Variants in BBS12 observed in about 807,000 individuals in gnomAD.
BBS12 encodes the protein chaperonin-containing T-complex member BBS12.
Under a neutral mutation model 5.6 loss-of-function variants are expected in BBS12, and 5 were observed. The ratio of observed to expected loss-of-function variants is 0.89; its 90% confidence interval spans 0.46 to 1.86. The LOEUF (loss-of-function observed/expected upper bound fraction) is 1.86, where lower values mean the gene tolerates loss of function less well. Ranked by LOEUF, BBS12 falls within the 40% of genes most tolerant of loss-of-function variation. The pLI, the probability that BBS12 is intolerant of heterozygous loss-of-function variation, is 0.01. For missense variants in BBS12, 748 were observed against 830.4 expected (o/e 0.90, Z 1.22); for synonymous variants, 308 against 306.8 (o/e 1.00, Z -0.04).
chr4:122,740,481 C>G (rs1800852253), intron 1 of BBS12, among the ~76,000 whole-genome samples: 2 of 152,186 alleles, frequency 1.3e-5, no homozygotes, highest in African/African-American at 4.8e-5. Flanking sequence ...GACTTTTGTT[C>G]TGAGCACTGC....
rs1157097086 is a variant in BBS12 at position 122,744,722 on chromosome 4, C to T, written c.*697C>T. ...TTGTTTAGTCAGTACCAAATTTGTT[C>T]ATTTGGTCTCATATAGCAATTAATG... is the stretch of plus-strand genomic sequence containing the variant. On this transcript the variant is annotated 3_prime_UTR_variant, in exon 2 of 2. Coordinates refer to ENST00000314218, the MANE Select transcript of BBS12 (RefSeq NM_152618.3). 6.0e-6 allele frequency: 1 copy of T among 167,154 alleles called. No individual in the cohort carries two copies. Among genetic ancestry groups the T allele is most frequent in the East Asian group, 1.9e-4 (1 of 5,204 alleles). 10.4% of individuals were successfully genotyped at this position (167,154 alleles called of 1,614,324 possible). A position where few individuals can be genotyped will look rare whatever the true frequency, so the allele number is the denominator to read the frequency against.
chr4:122,731,996 T>C (rs1284103229), upstream of BBS12: 2 of 152,250 alleles, frequency 1.3e-5, no homozygotes, highest in Admixed American at 6.5e-5. Context: ...GCCTTAAAGA[T>C]TGCCACAAAT....
chr4:122,712,106 C>G, the BBS12 span, among the ~76,000 whole-genome samples: 1 of 152,248 alleles, frequency 6.6e-6, no homozygotes, highest in Non-Finnish European at 1.5e-5. Flanking sequence ...CAGCCATGAA[C>G]TAGGTTACAA....
chr4:122,725,797 C>T, the BBS12 span, among the ~76,000 whole-genome samples: 5 of 148,924 alleles, frequency 3.4e-5, no homozygotes, highest in Admixed American at 2.0e-4. Flanking sequence ...CCTCAGGAGG[C>T]TGAGGCAGGA....
In BBS12 at chr4:122,742,374, T is replaced by A. The variant is rs1800891151; in HGVS notation, c.482T>A (p.Leu161Gln). 2 of 1,614,112 alleles carry A rather than the reference T, an allele frequency of 1.2e-6. No individual in the cohort carries two copies. The highest frequency in any genetic ancestry group is 1.7e-6 in the Non-Finnish European group (2 of 1,180,044). Residue 161 changes from leucine (L) to glutamine (Q), a missense_variant, in exon 2 of 2, where the codon CTA (leucine) becomes CAA (glutamine). Coordinates refer to ENST00000314218, the MANE Select transcript of BBS12 (RefSeq NM_152618.3). ...TTTAGTGTAAGTTTGTGTCCTTTTC[T>A]ACAGGTCCCTTCAGATACTGATTTG... ...ETFSVSLCPF[L>Q]QVPSDTDLIE...
chr4:122,715,367 A>C, the BBS12 span, among the ~76,000 whole-genome samples: 1 of 151,778 alleles, frequency 6.6e-6, no homozygotes, highest in African/African-American at 2.4e-5. Context: ...GATTGTCCAA[A>C]ATTCACTTAA....
chr4:122,715,977 T>C, the BBS12 span, among the ~76,000 whole-genome samples: 66 of 152,346 alleles, frequency 4.3e-4, no homozygotes, highest in African/African-American at 1.6e-3. Flanking sequence ...AATAAACGGG[T>C]ATAATTGGGG....
At chr4:122,701,418 C>T in the BBS12 span, among the ~76,000 whole-genome samples, 418 of 120,978 alleles carry the variant, frequency 3.5e-3, 6 homozygotes, top group South Asian at 0.036. Context: ...ACATAACTTA[C>T]GGATTCAAGG....
intron 1 of BBS12, among the ~76,000 whole-genome samples, chr4:122,738,377 A>T: frequency 6.6e-6 from 1 of 151,964 alleles, no homozygotes; most frequent in Non-Finnish European, 1.5e-5. Context: ...TGCCCGGCTA[A>T]TTTTTTTGTA....
At chr4:122,734,480 A>G (rs1800756912) in intron 1 of BBS12, among the ~76,000 whole-genome samples, 1 of 152,058 alleles carries the variant, frequency 6.6e-6, no homozygotes, top group African/African-American at 2.4e-5. Context: ...ATTAGCCAGG[A>G]TGGTCTCCAT....
At chr4:122,707,059 T>C in the BBS12 span, among the ~76,000 whole-genome samples, 91 of 145,382 alleles carry the variant, frequency 6.3e-4, no homozygotes, top group Admixed American at 1.0e-3. Flanking sequence ...TCTCTCTTTT[T>C]TTTTTTTTTT....
chr4:122,706,666 C>T, the BBS12 span, among the ~76,000 whole-genome samples: 11,725 of 152,228 alleles, frequency 0.077, 1,062 homozygotes, highest in East Asian at 0.47. Context: ...AGACTGGATA[C>T]ACCTTGAATG....
At chr4:122,702,569 G>A in the BBS12 span, among the ~76,000 whole-genome samples, 1 of 152,230 alleles carries the variant, frequency 6.6e-6, no homozygotes, top group Non-Finnish European at 1.5e-5. Flanking sequence ...TGCTGGCTAA[G>A]AGGCACATGC....
the BBS12 span, among the ~76,000 whole-genome samples, chr4:122,705,567 A>G: frequency 6.6e-6 from 1 of 152,248 alleles, no homozygotes; most frequent in Non-Finnish European, 1.5e-5. Context: ...TTCCCCTTGG[A>G]CTGCATTTGC....
chr4:122,705,084 G>A, the BBS12 span, among the ~76,000 whole-genome samples: 3 of 152,164 alleles, frequency 2.0e-5, no homozygotes, highest in African/African-American at 7.2e-5. Context: ...CTCACCATAA[G>A]AAGAACTTCT....
chr4:122,734,931 A>G (rs1245684456), intron 1 of BBS12, among the ~76,000 whole-genome samples: 1 of 152,208 alleles, frequency 6.6e-6, no homozygotes, highest in African/African-American at 2.4e-5. Flanking sequence ...GCACTCTTAA[A>G]TCTCCCAAAT....
Position 122,742,756 on chromosome 4 carries a change from A to C in BBS12, c.864A>C (p.Glu288Asp). 1 of 1,614,264 alleles carries C rather than the reference A, an allele frequency of 6.2e-7. No homozygotes were observed. Among genetic ancestry groups the C allele is most frequent in the Non-Finnish European group, 8.5e-7 (1 of 1,180,038 alleles). ...ACAGCAGCATGAAGTTAGTAGAAGA[A>C]GCAGTACAGCTGCAATATCAGAATG... ...GDHSSMKLVE[E>D]AVQLQYQNAC... is the part of the protein sequence containing the mutation. Residue 288 changes from glutamate (E) to aspartate (D), a missense_variant, in exon 2 of 2, where the codon GAA (glutamate) becomes GAC (aspartate). Transcript: ENST00000314218.
chr4:122,728,724 G>A (rs1800659394), upstream of BBS12: 1 of 152,220 alleles, frequency 6.6e-6, no homozygotes, highest in African/African-American at 2.4e-5. Context: ...TACAATTCTA[G>A]TTTCAATCAA....
the BBS12 span, among the ~76,000 whole-genome samples, chr4:122,711,237 A>G: frequency 6.6e-6 from 1 of 152,048 alleles, no homozygotes; most frequent in Non-Finnish European, 1.5e-5. Context: ...GAAATGAGAA[A>G]GTGCTGTAGA....
Sources: gnomAD v4.1 joint callset for allele counts (sites outside exome capture counted in the v4.1 genomes callset) on GRCh38, gnomAD v4.1.1 for gene constraint, MANE v1.5 for transcripts, NCBI Gene and HGNC (gene_info 2026-07-23, HGNC 2026-07-21) for gene names.